The following MINDY2 variants were observed in gnomAD, a reference collection of about 807,000 sequenced individuals.
MINDY2 encodes ubiquitin carboxyl-terminal hydrolase MINDY-2.
In MINDY2, 52 loss-of-function variants were observed where a neutral mutation model predicts 68.2. The observed-to-expected ratio is 0.76, with a 90% CI of 0.61 to 0.96. The LOEUF (loss-of-function observed/expected upper bound fraction) is 0.96, where lower values mean the gene tolerates loss of function less well. Ranked by LOEUF, MINDY2 falls within the 40% of genes least tolerant of loss-of-function variation. The pLI is 0.00. For synonymous variants in MINDY2, 372 were observed against 303.0 expected (o/e 1.23, Z -2.36); for missense variants, 881 against 773.4 (o/e 1.14, Z -1.65).
intron 4 of MINDY2, among the ~76,000 whole-genome samples, chr15:58,811,764 G>C (rs12439632): frequency 0.16 from 24,632 of 152,094 alleles, 2,210 homozygotes; most frequent in South Asian, 0.33. Context: ...AGTTGCTGCA[G>C]TCCATAGAGG....
In MINDY2 at chr15:58,851,932, A is replaced by T. The variant is rs375818972; in HGVS notation, c.1704A>T (p.Ala568=). Residue 568 remains alanine (A), a synonymous_variant, in exon 8 of 9, where the codon GCA becomes GCT. Coordinates refer to ENST00000559228, the MANE Select transcript of MINDY2 (RefSeq NM_001040450.3). ...ACTATCAGGAACAGGAACAAGCAGCAGCTGCTGCTGCTGCTGCTTCTACAC... is the reference window on the plus strand; with the variant it reads ...ACTATCAGGAACAGGAACAAGCAGCTGCTGCTGCTGCTGCTGCTTCTACAC... ...SQYYQEQEQA[A]AAAAAASTQA... 6.9e-6 allele frequency: 11 copies of T among 1,590,624 alleles called. No homozygotes were observed. In the Admixed American group the frequency reaches 1.9e-4, roughly 28 times the overall value.
At chr15:58,831,039 GTGTA>G (rs2031691258) in intron 5 of MINDY2, among the ~76,000 whole-genome samples, 2 of 109,568 alleles carry the variant, frequency 1.8e-5, no homozygotes, top group Non-Finnish European at 1.8e-5. Context: ...GTGTGTGTGT[GTGTA>G]TATATATATA....
At chr15:58,796,003 A>T in intron 2 of MINDY2, 2 of 440,730 alleles carry the variant, frequency 4.5e-6, no homozygotes, top group Non-Finnish European at 9.1e-6. Context: ...TACTCTCTTT[A>T]TGACTTGGCA....
At chr15:58,788,901 A>G (rs1204368207) in intron 2 of MINDY2, among the ~76,000 whole-genome samples, 6 of 152,300 alleles carry the variant, frequency 3.9e-5, no homozygotes, top group South Asian at 2.1e-4. Context: ...AGTCCCAACT[A>G]TTCGGGAGGC....
chr15:58,831,627 T>C lies in MINDY2; in HGVS notation c.1226-147T>C, dbSNP rs569459591. 11 of 593,438 alleles carry C rather than the reference T, an allele frequency of 1.9e-5. No homozygotes were observed. The Admixed American group carries it at 2.5e-4, about 13-fold the overall frequency. The allele number at this position is 593,438 out of a possible 1,614,324, so 36.8% of individuals were successfully genotyped here. A position where few individuals can be genotyped will look rare whatever the true frequency, so the allele number is the denominator to read the frequency against. On this transcript the variant is annotated intron_variant, in intron 5 of 8. Coordinates refer to ENST00000559228, the MANE Select transcript of MINDY2 (RefSeq NM_001040450.3). ...CATTGCAAAATTAAAAACACAAATG[T>C]CCAGTTTGGAGCCATCATAAAGTAG...
intron 2 of MINDY2, among the ~76,000 whole-genome samples, chr15:58,793,544 ATT>A (rs1287157556): frequency 1.3e-5 from 2 of 152,228 alleles, no homozygotes; most frequent in Non-Finnish European, 2.9e-5. Context: ...AAATAATTGA[ATT>A]GTACATTTTA....
At chr15:58,808,054 C>G (rs765989819) in intron 3 of MINDY2, among the ~76,000 whole-genome samples, 8 of 151,988 alleles carry the variant, frequency 5.3e-5, no homozygotes, top group African/African-American at 9.7e-5. Context: ...CCCTTCCTTC[C>G]ATCCTTCCTT....
chr15:58,771,518 T>C lies in MINDY2; in HGVS notation c.123T>C (p.Pro41=). 1 of 1,612,056 alleles carries C rather than the reference T, an allele frequency of 6.2e-7. No individual in the cohort carries two copies. The highest frequency in any genetic ancestry group is 8.5e-7 in the Non-Finnish European group (1 of 1,179,682). ...CCAGGCTCGCCGCTGGTGATGGTCCTGGGGTATGGGCGGCGGAGACCAGCG... is the reference window on the plus strand; with the variant it reads ...CCAGGCTCGCCGCTGGTGATGGTCCCGGGGTATGGGCGGCGGAGACCAGCG... ...QETRLAAGDG[P]GVWAAETSGG... Residue 41 remains proline (P), a synonymous_variant, in exon 1 of 9, where the codon CCT becomes CCC. Coordinates refer to ENST00000559228, the MANE Select transcript of MINDY2 (RefSeq NM_001040450.3).
intron 1 of MINDY2, among the ~76,000 whole-genome samples, chr15:58,776,364 G>C (rs1026049625): frequency 3.9e-5 from 6 of 152,000 alleles, no homozygotes; most frequent in Non-Finnish European, 7.4e-5. Flanking sequence ...AGAGAAAACA[G>C]AGGAATAAAG....
intron 2 of MINDY2, among the ~76,000 whole-genome samples, chr15:58,791,648 GTGTGTGTGTGTGTA>G (rs150731431): frequency 0.012 from 1,854 of 150,450 alleles, 45 homozygotes; most frequent in African/African-American, 0.042. Flanking sequence ...GTGTGTGTGT[GTGTGTGTGTGTGTA>G]TGTGTGTGTG....
At chr15:58,834,468 G>A (rs2031898550) in intron 6 of MINDY2, among the ~76,000 whole-genome samples, 1 of 152,156 alleles carries the variant, frequency 6.6e-6, no homozygotes, top group Non-Finnish European at 1.5e-5. Context: ...CTGTATGGGA[G>A]GCTTTTTTAA....
intron 7 of MINDY2, among the ~76,000 whole-genome samples, chr15:58,849,322 G>A (rs189946449): frequency 6.6e-6 from 1 of 152,130 alleles, no homozygotes; most frequent in East Asian, 1.9e-4. Context: ...CTAACATGGT[G>A]AAACCCCGTC....
chr15:58,797,030 A>G (rs1902329089), intron 2 of MINDY2, among the ~76,000 whole-genome samples: 1 of 152,152 alleles, frequency 6.6e-6, no homozygotes, highest in African/African-American at 2.4e-5. Context: ...GCACTGAAGA[A>G]TATAGTAGCC....
chr15:58,836,652 T>C (rs1273033873), intron 6 of MINDY2, among the ~76,000 whole-genome samples: 1 of 151,942 alleles, frequency 6.6e-6, no homozygotes, highest in East Asian at 1.9e-4. Flanking sequence ...AGGGTCTTGC[T>C]CTGTCACCCA....
chr15:58,785,989 C>T (rs1009343227), intron 1 of MINDY2, among the ~76,000 whole-genome samples: 14 of 152,100 alleles, frequency 9.2e-5, no homozygotes, highest in Admixed American at 5.2e-4. Context: ...TTAAAAATGT[C>T]ACAGAGAATA....
chr15:58,851,632 G>C (rs995846707), intron 7 of MINDY2, 139 bp from the exon 8 acceptor site: 2 of 628,788 alleles, frequency 3.2e-6, no homozygotes, highest in Admixed American at 3.7e-5. Flanking sequence ...GTAGAGACAG[G>C]GTCTTGCTAT....
chr15:58,804,385 T>C (rs1902878293), intron 3 of MINDY2, among the ~76,000 whole-genome samples: 1 of 152,210 alleles, frequency 6.6e-6, no homozygotes, highest in Non-Finnish European at 1.5e-5. Flanking sequence ...CATGAAGCTA[T>C]TTTTATTAAA....
At chr15:58,842,577 T>C (rs2141046515) in intron 6 of MINDY2, among the ~76,000 whole-genome samples, 1 of 152,288 alleles carries the variant, frequency 6.6e-6, no homozygotes, top group Non-Finnish European at 1.5e-5. Flanking sequence ...ATTTGGAAAC[T>C]GGAATAAGGA....
rs557544198 is a variant in MINDY2, at chr15:58,789,542, G to A, written c.898+1579G>A. Among the ~76,000 whole-genome samples the A allele has an allele frequency of 1.1e-4, 17 of 150,470 alleles. No homozygotes were observed. In the South Asian group the frequency reaches 3.2e-3, roughly 28 times the overall value. ...CGTGATCATGACTTGCTGCAATCTC[G>A]ACCTCCCTAGGCTCAGGTGATCCTC... On this transcript the variant is annotated intron_variant, in intron 2 of 8. Coordinates refer to ENST00000559228, the MANE Select transcript of MINDY2 (RefSeq NM_001040450.3).
Sources: gnomAD v4.1 joint callset for allele counts (sites outside exome capture counted in the v4.1 genomes callset) on GRCh38, gnomAD v4.1.1 for gene constraint, MANE v1.5 for transcripts, NCBI Gene and HGNC (gene_info 2026-07-23, HGNC 2026-07-21) for gene names.